C1QBP: variants seen among roughly 807,000 people sequenced by gnomAD.
C1QBP encodes the protein complement component 1 Q subcomponent-binding protein, mitochondrial.
Under a neutral mutation model 29.4 loss-of-function variants are expected in C1QBP, and 24 were observed. The ratio of observed to expected loss-of-function variants is 0.82; its 90% CI spans 0.59 to 1.15. The LOEUF (loss-of-function observed/expected upper bound fraction) is 1.15. Ranked by LOEUF, C1QBP falls within the 50% of genes most tolerant of loss-of-function variation. The pLI is 0.00. For missense variants in C1QBP, 337 were observed against 355.8 expected, an observed-to-expected ratio of 0.95 and a Z score of 0.43; for synonymous variants, 182 against 149.2, an observed-to-expected ratio of 1.22 and a Z score of -1.60.
At chr17:5,433,480 A>AG in intron 4 of C1QBP, 65 bp from the exon 5 acceptor site, 1 of 1,600,314 alleles carries the variant, frequency 6.2e-7, no homozygotes, top group Non-Finnish European at 8.6e-7. Context: ...AGGGGAAGAA[A>AG]GGGGGCCACT....
At chr17:5,435,353 C>G (rs1170560355) in intron 2 of C1QBP, among the ~76,000 whole-genome samples, 1 of 152,162 alleles carries the variant, frequency 6.6e-6, no homozygotes, top group African/African-American at 2.4e-5. Flanking sequence ...CCAGGGAACC[C>G]TTGGTCAAAG....
chr17:5,436,985 T>G (rs977359061), intron 2 of C1QBP, among the ~76,000 whole-genome samples: 1 of 152,034 alleles, frequency 6.6e-6, no homozygotes, highest in African/African-American at 2.4e-5. Context: ...CCATCCTGGG[T>G]GACAGAGCAA....
Position 5,439,043 on chromosome 17 carries a change from C to G in C1QBP, c.31G>C (p.Val11Leu), listed in dbSNP as rs1311099223. Residue 11 changes from valine to leucine, a missense_variant, in exon 1 of 6, where the codon GTG becomes CTG. Transcript: ENST00000225698. MLPLLRCVPR[V>L]LGSSVAGLRA... ...AGGCCGGCGACGGAGGAGCCCAGCACACGGGGCACGCAGCGCAGCAGAGGC... is the reference window on the plus strand; with the variant it reads ...AGGCCGGCGACGGAGGAGCCCAGCAGACGGGGCACGCAGCGCAGCAGAGGC... The G allele has an allele frequency of 6.5e-7, 1 of 1,527,182 alleles. No homozygotes were observed. Among genetic ancestry groups the G allele is most frequent in the Non-Finnish European group, 8.8e-7 (1 of 1,137,904 alleles). The allele number at this position is 1,527,182 out of a possible 1,614,324, so 94.6% of individuals were successfully genotyped here. A position where few individuals can be genotyped will look rare whatever the true frequency, so the allele number is the denominator to read the frequency against.
chr17:5,438,089 G>A (rs1567592883), intron 2 of C1QBP, 34 bp downstream of exon 2: 1 of 1,605,300 alleles, frequency 6.2e-7, no homozygotes, highest in Non-Finnish European at 8.5e-7. Context: ...GGTTAAGGGA[G>A]TTGCTGCCCT....
chr17:5,437,942 T>C (rs1916319070), intron 2 of C1QBP, among the ~76,000 whole-genome samples, 181 bp downstream of exon 2: 1 of 152,218 alleles, frequency 6.6e-6, no homozygotes, highest in African/African-American at 2.4e-5. Context: ...CACAGCAAAT[T>C]TGTGTTCGGT....
At chr17:5,433,529 C>A (rs1916168728) in intron 4 of C1QBP, 114 bp from the exon 5 acceptor site, 3 of 1,517,540 alleles carry the variant, frequency 2.0e-6, no homozygotes, top group Admixed American at 3.4e-5. Flanking sequence ...CCTCTTCCCT[C>A]ACTCCCCACC....
intron 2 of C1QBP, among the ~76,000 whole-genome samples, chr17:5,436,988 C>T (rs1476024550): frequency 2.0e-5 from 3 of 152,114 alleles, no homozygotes. Flanking sequence ...TCCTGGGTGA[C>T]AGAGCAAGAC....
chr17:5,436,968 C>T (rs1916289817), intron 2 of C1QBP, among the ~76,000 whole-genome samples: 2 of 152,162 alleles, frequency 1.3e-5, no homozygotes, highest in African/African-American at 4.8e-5. Context: ...GATCGCACCA[C>T]TGCACTCCAT....
rs745352341 is a variant in C1QBP, at chr17:5,433,434, G to T, written c.577-19C>A. On this transcript the variant is annotated intron_variant, in intron 4 of 5. Transcript: ENST00000225698. ...GTCCAACCTGAGAAGAAACAATATT[G>T]GGAAACTGAAGGGTTCTCCAGGACA... is the stretch of plus-strand genomic sequence containing the variant. 2.4e-5 allele frequency: 39 copies of T among 1,613,870 alleles called. No homozygotes were observed. The highest frequency in any genetic ancestry group is 3.1e-5 in the Non-Finnish European group (37 of 1,180,004).
intron 2 of C1QBP, among the ~76,000 whole-genome samples, chr17:5,437,477 C>A (rs559771581): frequency 7.9e-5 from 12 of 152,330 alleles, no homozygotes; most frequent in Middle Eastern, 3.4e-3. Flanking sequence ...GCTGGGACTA[C>A]AGGCACGTGC....
At chr17:5,438,559 T>C in intron 1 of C1QBP, 1 of 729,590 alleles carries the variant, frequency 1.4e-6, no homozygotes, top group African/African-American at 1.8e-5. Context: ...AACTATGCTA[T>C]TTTCAACCAC....
intron 4 of C1QBP, 50 bp downstream of exon 4, chr17:5,433,619 A>G: frequency 6.3e-7 from 1 of 1,582,322 alleles, no homozygotes. Context: ...TTCCCAAGGG[A>G]CACACTGTTC....
Position 5,438,978 on chromosome 17 carries a change from C to A in C1QBP, c.96G>T (p.Leu32=). 1 of 1,501,972 alleles carries A rather than the reference C, an allele frequency of 6.7e-7. No individual in the cohort carries two copies. Among genetic ancestry groups the A allele is most frequent in the Non-Finnish European group, 8.9e-7 (1 of 1,127,978 alleles). 93.0% of individuals were successfully genotyped at this position (1,501,972 alleles called of 1,614,324 possible). ...GGGTGCACAGCCGGGGTGCCGGCTG[C>A]AGGAGCTGCCGGAAAGGCGAGGCGG... ...AAPASPFRQL[L]QPAPRLCTRP... The change falls in exon 1 of 6, where the codon CTG becomes CTT. Residue 32 remains leucine, a synonymous_variant. Transcript: ENST00000225698.
intron 2 of C1QBP, among the ~76,000 whole-genome samples, chr17:5,435,498 G>A (rs980407): frequency 2.0e-5 from 3 of 151,884 alleles, no homozygotes; most frequent in African/African-American, 7.3e-5. Context: ...GCCCTGGAAC[G>A]GGGAAGGGAA....
intron 2 of C1QBP, among the ~76,000 whole-genome samples, chr17:5,437,145 T>C (rs1399668191): frequency 6.6e-6 from 1 of 152,170 alleles, no homozygotes; most frequent in Non-Finnish European, 1.5e-5. Context: ...ATAGGTATTG[T>C]TTGGGGATGA....
chr17:5,436,072 T>C (rs1916265541), intron 2 of C1QBP, among the ~76,000 whole-genome samples: 1 of 142,438 alleles, frequency 7.0e-6, no homozygotes, highest in Non-Finnish European at 1.5e-5. Context: ...AAAGAGTACA[T>C]GAAGTGCCGC....
intron 3 of C1QBP, among the ~76,000 whole-genome samples, chr17:5,434,491 CAG>C (rs1476745875): frequency 9.0e-5 from 7 of 78,024 alleles, no homozygotes; most frequent in African/African-American, 1.6e-4. Context: ...TTTTTTGAGA[CAG>C]AGTCTTGCTC....
Position 5,438,900 on chromosome 17 carries a change from G to A in C1QBP, c.174C>T (p.Leu58=). 6.5e-7 allele frequency: 1 copy of A among 1,540,474 alleles called. No individual in the cohort carries two copies. The highest frequency in any genetic ancestry group is 8.7e-7 in the Non-Finnish European group (1 of 1,143,196). The change falls in exon 1 of 6, where the codon CTC becomes CTT. Residue 58 remains leucine (L), a synonymous_variant. Transcript: ENST00000225698. ...VRAGSERRPG[L]LRPRGPCACG... Reference sequence around the variant, plus strand: ...AGGCGCAGGGTCCGCGAGGCCGCAGGAGGCCCGGCCGCCGCTCGGAACCTG... The same window carrying A: ...AGGCGCAGGGTCCGCGAGGCCGCAGAAGGCCCGGCCGCCGCTCGGAACCTG...
chr17:5,434,503 C>T (rs1916209864), intron 3 of C1QBP, among the ~76,000 whole-genome samples: 1 of 121,922 alleles, frequency 8.2e-6, no homozygotes, highest in South Asian at 2.8e-4. Flanking sequence ...GAGTCTTGCT[C>T]TGTCGCCAGG....
Sources: allele counts gnomAD v4.1 joint callset (sites outside exome capture counted in the v4.1 genomes callset), GRCh38; gene constraint gnomAD v4.1.1; transcripts MANE v1.5; gene names NCBI Gene and HGNC (gene_info 2026-07-23, HGNC 2026-07-21).